The following MECOM variants were observed in gnomAD, a reference collection of about 807,000 sequenced individuals.
The protein encoded by MECOM is histone-lysine N-methyltransferase MECOM.
A neutral mutation model predicts 116.3 loss-of-function variants in MECOM; 13 were observed. That is an observed-to-expected ratio of 0.11 (90% CI 0.07 to 0.18). The LOEUF is 0.18. Among genes scored for constraint, MECOM ranks in the 10% least tolerant of loss-of-function variants. The pLI is 1.00. For missense variants in MECOM, 1,299 were observed against 1,509.0 expected (o/e 0.86, Z 2.31); for synonymous variants, 528 against 535.2 (o/e 0.99, Z 0.19).
At chr3:169,525,694 T>C (rs1381894809) in intron 1 of MECOM, among the ~76,000 whole-genome samples, 1 of 152,222 alleles carries the variant, frequency 6.6e-6, no homozygotes, top group Non-Finnish European at 1.5e-5. Flanking sequence ...AAATCCAACA[T>C]ATCCTGTGTA....
intron 1 of MECOM, among the ~76,000 whole-genome samples, chr3:169,503,798 G>A (rs1754849105): frequency 6.6e-6 from 1 of 152,104 alleles, no homozygotes; most frequent in African/African-American, 2.4e-5. Flanking sequence ...TCTGGCTCCA[G>A]AACTTTAGTT....
At chr3:169,619,831 C>A (rs571012860) in intron 1 of MECOM, among the ~76,000 whole-genome samples, 3 of 152,054 alleles carry the variant, frequency 2.0e-5, no homozygotes, top group Non-Finnish European at 4.4e-5. Flanking sequence ...AAACTCACAC[C>A]ACCCTGTAGG....
chr3:169,470,593 G>T (rs1045361067), intron 1 of MECOM, among the ~76,000 whole-genome samples: 3 of 152,130 alleles, frequency 2.0e-5, no homozygotes, highest in African/African-American at 7.2e-5. Context: ...CAGGCAAGAG[G>T]GAAGAAAGTG....
chr3:169,378,590 GTAAGTAAGT>G (rs1333901830), intron 2 of MECOM, among the ~76,000 whole-genome samples: 2 of 82,416 alleles, frequency 2.4e-5, no homozygotes, highest in African/African-American at 8.5e-5. Context: ...AAGAAAGTAA[GTAAGTAAGT>G]TTGGGGACTT....
intron 2 of MECOM, among the ~76,000 whole-genome samples, chr3:169,209,140 A>G (rs1428445866): frequency 6.6e-6 from 1 of 152,210 alleles, no homozygotes; most frequent in Non-Finnish European, 1.5e-5. Flanking sequence ...CTGGCTAGCC[A>G]TGTGCAGAAA....
At chr3:169,643,961 A>C (rs1773817436) in intron 1 of MECOM, among the ~76,000 whole-genome samples, 1 of 152,178 alleles carries the variant, frequency 6.6e-6, no homozygotes, top group South Asian at 2.1e-4. Context: ...AGAAATAGGT[A>C]AGCCAGCATT....
intron 3 of MECOM, chr3:169,131,846 C>T (rs1481247153): frequency 1.1e-6 from 1 of 905,346 alleles, no homozygotes; most frequent in Non-Finnish European, 1.4e-6. Context: ...AGAACTTTCC[C>T]TTCTCTGAAT....
chr3:169,576,834 C>G (rs200702940), intron 1 of MECOM, among the ~76,000 whole-genome samples: 8,801 of 91,254 alleles, frequency 0.096, 324 homozygotes, highest in African/African-American at 0.13. Flanking sequence ...CACACACACA[C>G]ACACAGAGAG....
At chr3:169,213,453 T>G (rs747555038) in intron 2 of MECOM, among the ~76,000 whole-genome samples, 12 of 152,174 alleles carry the variant, frequency 7.9e-5, no homozygotes, top group Non-Finnish European at 1.6e-4. Flanking sequence ...TTATACCATG[T>G]GAAATATTCA....
At chr3:169,165,773 T>G (rs1204514877) in intron 2 of MECOM, among the ~76,000 whole-genome samples, 8 of 152,182 alleles carry the variant, frequency 5.3e-5, no homozygotes, top group Admixed American at 5.2e-4. Context: ...CTTCTACATT[T>G]TTCACTCTCT....
At chr3:169,330,274 T>C (rs1024546083) in intron 2 of MECOM, among the ~76,000 whole-genome samples, 3 of 152,144 alleles carry the variant, frequency 2.0e-5, no homozygotes, top group African/African-American at 7.2e-5. Flanking sequence ...TTCTCCAACC[T>C]TGGCCTCCCT....
chr3:169,092,923 C>A (rs750070998), intron 14 of MECOM, 35 bp downstream of exon 14: 3 of 1,608,874 alleles, frequency 1.9e-6, no homozygotes, highest in Non-Finnish European at 2.5e-6. Flanking sequence ...TCATTTCAGT[C>A]GTCACAGAGT....
At chr3:169,530,375 T>A (rs949254715) in intron 1 of MECOM, among the ~76,000 whole-genome samples, 5 of 152,078 alleles carry the variant, frequency 3.3e-5, no homozygotes, top group Non-Finnish European at 2.9e-5. Flanking sequence ...CTGGCCAGGG[T>A]CATGAAAGCG....
intron 2 of MECOM, among the ~76,000 whole-genome samples, chr3:169,253,812 TCTACC>T (rs1178728053): frequency 6.6e-6 from 1 of 152,074 alleles, no homozygotes; most frequent in African/African-American, 2.4e-5. Flanking sequence ...AATGAAATGA[TCTACC>T]CTAATCATAT....
chr3:169,096,783 A>G (rs976866600), intron 12 of MECOM, among the ~76,000 whole-genome samples: 1 of 152,158 alleles, frequency 6.6e-6, no homozygotes, highest in Admixed American at 6.5e-5. Flanking sequence ...TCAGTAGGAA[A>G]AATAATCTGT....
intron 1 of MECOM, among the ~76,000 whole-genome samples, chr3:169,526,024 A>G (rs1757929861): frequency 1.6e-5 from 2 of 123,342 alleles, no homozygotes. Flanking sequence ...CGAAAACCCC[A>G]TCTTGAAGGA....
chr3:169,436,647 T>C (rs1271948787), intron 1 of MECOM, among the ~76,000 whole-genome samples: 3 of 152,196 alleles, frequency 2.0e-5, no homozygotes, highest in East Asian at 1.9e-4. Flanking sequence ...TGATACTATG[T>C]TGCCAAATAA....
intron 8 of MECOM, among the ~76,000 whole-genome samples, chr3:169,113,497 C>A (rs944580581): frequency 1.3e-5 from 2 of 151,200 alleles, no homozygotes; most frequent in Admixed American, 6.6e-5. Context: ...GATGCCACTG[C>A]TGATAAAGAA....
chr3:169,421,417 T>C (rs186383494), intron 1 of MECOM, among the ~76,000 whole-genome samples: 30 of 152,218 alleles, frequency 2.0e-4, no homozygotes, highest in Non-Finnish European at 3.4e-4. Context: ...TTTTCCTTTC[T>C]CCCCATGAGG....
Sources: gnomAD v4.1 joint callset for allele counts (sites outside exome capture counted in the v4.1 genomes callset) on GRCh38, gnomAD v4.1.1 for gene constraint, MANE v1.5 for transcripts, NCBI Gene and HGNC (gene_info 2026-07-23, HGNC 2026-07-21) for gene names.